ME1: variants seen among roughly 807,000 people sequenced by gnomAD.
ME1 encodes the protein malic enzyme 1.
A neutral mutation model predicts 66.4 loss-of-function variants in ME1; 74 were observed. The ratio of observed to expected loss-of-function variants is 1.11; its 90% CI spans 0.92 to 1.35. ME1 has a LOEUF of 1.35. Among genes scored for constraint, ME1 ranks in the 40% most tolerant of loss-of-function variants. The pLI is 0.00. For synonymous variants in ME1, 251 were observed against 235.6 expected, an observed-to-expected ratio of 1.07 and a Z score of -0.60; for missense variants, 750 against 694.1, an observed-to-expected ratio of 1.08 and a Z score of -0.90.
chr6:83,373,896 G>A (rs1325117804), intron 3 of ME1, among the ~76,000 whole-genome samples: 1 of 152,160 alleles, frequency 6.6e-6, no homozygotes, highest in African/African-American at 2.4e-5. Context: ...TGCTGAGGAT[G>A]ATGGCTTCCA....
At chr6:83,239,449 G>T in intron 8 of ME1, 90 bp downstream of exon 8, 1 of 877,220 alleles carries the variant, frequency 1.1e-6, no homozygotes, top group South Asian at 1.8e-5. Flanking sequence ...CTAAAAATTT[G>T]AAAGAATACG....
intron 1 of ME1, among the ~76,000 whole-genome samples, chr6:83,417,456 T>C (rs1011724672): frequency 1.3e-5 from 2 of 152,114 alleles, no homozygotes; most frequent in African/African-American, 2.4e-5. Flanking sequence ...TCTCGGATCA[T>C]TGCAACCTCC....
At chr6:83,418,125 C>G (rs1191044805) in intron 1 of ME1, among the ~76,000 whole-genome samples, 1 of 152,224 alleles carries the variant, frequency 6.6e-6, no homozygotes. Flanking sequence ...GAAATGTTTT[C>G]TCTCTGCTTT....
chr6:83,237,753 C>A lies in ME1; in HGVS notation c.990G>T (p.Lys330Asn), dbSNP rs538617788. The change falls in exon 9 of 14, where the codon AAG becomes AAT. Residue 330 changes from lysine (K) to asparagine (N), a missense_variant. Lys to Asn is a moderately conservative substitution (Grantham distance 94). Coordinates refer to ENST00000369705, the MANE Select transcript of ME1 (RefSeq NM_002395.6). ...EGLPKEKAIK[K>N]IWLVDSKGLI... ...ATCCTTTTGAATCAACCAGCCATAT[C>A]TTTTTGATGGCTTTCTCTTTTGGTA... is the stretch of plus-strand genomic sequence containing the variant. 97 of 1,609,050 alleles carry A rather than the reference C, an allele frequency of 6.0e-5. No individual in the cohort carries two copies. In the East Asian group the frequency reaches 1.8e-3, roughly 29 times the overall value.
At chr6:83,303,846 T>G (rs1035618431) in intron 6 of ME1, among the ~76,000 whole-genome samples, 3 of 152,130 alleles carry the variant, frequency 2.0e-5, no homozygotes, top group Non-Finnish European at 2.9e-5. Flanking sequence ...CAAATAATAT[T>G]AACAACAGAA....
At chr6:83,404,153 C>T (rs1372779532) in intron 2 of ME1, among the ~76,000 whole-genome samples, 1 of 152,108 alleles carries the variant, frequency 6.6e-6, no homozygotes, top group Admixed American at 6.6e-5. Context: ...TCTCTACAGC[C>T]TCACCAGCAT....
rs562104903 is a variant in ME1 at position 83,279,167 on chromosome 6, A to G, written c.705-25429T>C. On this transcript the variant is annotated intron_variant, in intron 6 of 13. Coordinates refer to ENST00000369705, the MANE Select transcript of ME1 (RefSeq NM_002395.6). ...TGAAGAACTTTTAGCCTCTAATACTACAGCTACAGCAAACATCAAACACAG... is the reference window on the plus strand; with the variant it reads ...TGAAGAACTTTTAGCCTCTAATACTGCAGCTACAGCAAACATCAAACACAG... Among the ~76,000 whole-genome samples, 21 of 152,348 alleles carry G rather than the reference A, an allele frequency of 1.4e-4. No homozygotes were observed. The South Asian group carries it at 4.3e-3, about 32-fold the overall frequency.
At chr6:83,369,530 C>G in intron 3 of ME1, among the ~76,000 whole-genome samples, 1 of 151,982 alleles carries the variant, frequency 6.6e-6, no homozygotes, top group East Asian at 1.9e-4. Flanking sequence ...GAAAAATGAT[C>G]CTTCTATCTT....
chr6:83,213,139 T>G (rs1460371816), intron 13 of ME1, among the ~76,000 whole-genome samples: 1 of 151,374 alleles, frequency 6.6e-6, no homozygotes, highest in Non-Finnish European at 1.5e-5. Flanking sequence ...TTCAAGCGAT[T>G]CTCTGGCTGG....
chr6:83,323,641 T>C (rs181735696), intron 5 of ME1, among the ~76,000 whole-genome samples: 15 of 152,162 alleles, frequency 9.9e-5, no homozygotes, highest in African/African-American at 3.4e-4. Context: ...GAACTAAGTA[T>C]CCTAAATACA....
chr6:83,303,280 A>T (rs1767762658), intron 6 of ME1, among the ~76,000 whole-genome samples: 1 of 152,220 alleles, frequency 6.6e-6, no homozygotes, highest in African/African-American at 2.4e-5. Flanking sequence ...TTGCGAAGTT[A>T]ATTTGCTAGT....
At chr6:83,243,592 AATCT>A (rs1247499190) in intron 7 of ME1, among the ~76,000 whole-genome samples, 4 of 93,134 alleles carry the variant, frequency 4.3e-5, no homozygotes, top group African/African-American at 2.4e-4. Context: ...ATATCGATAT[AATCT>A]ATTATAATTA....
At chr6:83,342,238 C>G (rs1768600658) in intron 5 of ME1, among the ~76,000 whole-genome samples, 1 of 152,212 alleles carries the variant, frequency 6.6e-6, no homozygotes, top group Non-Finnish European at 1.5e-5. Flanking sequence ...AGCGGCTGCT[C>G]AGGCCTGCTC....
At position 83,407,782 on chromosome 6, in the gene ME1, G is replaced by C. The variant is rs780295881; in HGVS notation, c.198C>G (p.Asn66Lys). The C allele has an allele frequency of 6.2e-7, 1 of 1,606,310 alleles. No homozygotes were observed. The highest frequency in any genetic ancestry group is 1.1e-5 in the South Asian group (1 of 89,068). Residue 66 changes from asparagine (N) to lysine (K), a missense_variant, in exon 2 of 14, where the codon AAC becomes AAG. Transcript: ENST00000369705. ...LRVVKNFEHLNSDFDRYLLLM... is the reference protein window; with the variant it reads ...LRVVKNFEHLKSDFDRYLLLM... ...CAATGTGTTACCTGTCAAAGTCAGAGTTCAGATGCTCGAAATTTTTTACTA... is the reference window on the plus strand; with the variant it reads ...CAATGTGTTACCTGTCAAAGTCAGACTTCAGATGCTCGAAATTTTTTACTA...
chr6:83,320,945 T>A (rs1768158850), intron 5 of ME1, among the ~76,000 whole-genome samples: 1 of 152,016 alleles, frequency 6.6e-6, no homozygotes, highest in Non-Finnish European at 1.5e-5. Flanking sequence ...CATTTCCAAT[T>A]GAGGTACCCG....
At chr6:83,245,400 G>A (rs1233008847) in intron 7 of ME1, among the ~76,000 whole-genome samples, 1 of 139,366 alleles carries the variant, frequency 7.2e-6, no homozygotes, top group Non-Finnish European at 1.6e-5. Context: ...GTCATTATTA[G>A]TGAGGCAAAA....
At chr6:83,391,726 C>T (rs1769624632) in intron 3 of ME1, among the ~76,000 whole-genome samples, 1 of 152,200 alleles carries the variant, frequency 6.6e-6, no homozygotes, top group Admixed American at 6.5e-5. Context: ...CCACTCCAGA[C>T]ACAGTGGTCT....
intron 6 of ME1, among the ~76,000 whole-genome samples, chr6:83,276,629 A>G (rs1024086816): frequency 6.6e-6 from 1 of 152,232 alleles, no homozygotes; most frequent in Non-Finnish European, 1.5e-5. Flanking sequence ...TACTCTTGAA[A>G]AGTTTTTACA....
At chr6:83,261,564 T>C (rs1369438246) in intron 6 of ME1, among the ~76,000 whole-genome samples, 1 of 151,880 alleles carries the variant, frequency 6.6e-6, no homozygotes, top group Non-Finnish European at 1.5e-5. Flanking sequence ...CATTTCTCAG[T>C]AAAGCAAGGA....
Sources: gnomAD v4.1 joint callset for allele counts (sites outside exome capture counted in the v4.1 genomes callset) on GRCh38, gnomAD v4.1.1 for gene constraint, MANE v1.5 for transcripts, NCBI Gene and HGNC (gene_info 2026-07-23, HGNC 2026-07-21) for gene names.